ARFGAP3: variants seen among roughly 807,000 people sequenced by gnomAD.
ARFGAP3 encodes ADP-ribosylation factor GTPase-activating protein 3.
Under a neutral mutation model 75.0 loss-of-function variants are expected in ARFGAP3, and 72 were observed. The ratio of observed to expected loss-of-function variants is 0.96; its 90% CI spans 0.79 to 1.17. The LOEUF is 1.17. ARFGAP3 is among the 50% of genes most tolerant of loss of function. The pLI is 0.00. For synonymous variants in ARFGAP3, 221 were observed against 217.9 expected (o/e 1.01, Z -0.13); for missense variants, 620 against 626.6 (o/e 0.99, Z 0.11).
intron 6 of ARFGAP3, 87 bp downstream of exon 6, chr22:42,831,462 G>T: frequency 2.2e-6 from 3 of 1,356,836 alleles, no homozygotes; most frequent in Non-Finnish European, 3.1e-6. Context: ...ATGAGCCACT[G>T]TGCCTGGCCC....
chr22:42,831,659 A>T (rs1207703846), intron 5 of ARFGAP3, 23 bp from the exon 6 acceptor site: 2 of 1,613,354 alleles, frequency 1.2e-6, no homozygotes, highest in Non-Finnish European at 1.7e-6. Flanking sequence ...GAGAAAAGTC[A>T]TTAGCAGACA....
chr22:42,819,650 G>C (rs897893433), intron 9 of ARFGAP3, among the ~76,000 whole-genome samples: 2 of 152,218 alleles, frequency 1.3e-5, no homozygotes, highest in African/African-American at 4.8e-5. Context: ...GAGAGCCTCT[G>C]AGGACGGGCT....
intron 7 of ARFGAP3, among the ~76,000 whole-genome samples, chr22:42,825,032 A>G (rs1925978059): frequency 6.6e-6 from 1 of 152,256 alleles, no homozygotes; most frequent in African/African-American, 2.4e-5. Flanking sequence ...TTACGGCTGC[A>G]TAAAACTTAT....
chr22:42,836,023 C>T (rs558965856), intron 3 of ARFGAP3, among the ~76,000 whole-genome samples: 61 of 141,298 alleles, frequency 4.3e-4, no homozygotes, highest in African/African-American at 1.5e-3. Context: ...TGCTCTATTA[C>T]CCAGGCTGCA....
Position 42,807,053 on chromosome 22 carries a change from T to G in ARFGAP3, c.1411+20A>C, listed in dbSNP as rs751887752. On this transcript the variant is annotated intron_variant, in intron 14 of 15. Coordinates refer to ENST00000263245, the MANE Select transcript of ARFGAP3 (RefSeq NM_014570.5). ...TACCGTAGACATGACAGAGACCAGC[T>G]CTTGTTCAGTGCCCCCTACCTGCTG... 1 of 1,595,880 alleles carries G rather than the reference T, an allele frequency of 6.3e-7. No individual in the cohort carries two copies. The highest frequency in any genetic ancestry group is 1.8e-5 in the Admixed American group (1 of 56,680).
intron 2 of ARFGAP3, among the ~76,000 whole-genome samples, chr22:42,844,673 T>A (rs1443720190): frequency 6.6e-6 from 1 of 152,010 alleles, no homozygotes; most frequent in East Asian, 1.9e-4. Flanking sequence ...AGTGCTGGGA[T>A]TACAGGTGTG....
intron 6 of ARFGAP3, 148 bp downstream of exon 6, chr22:42,831,401 G>A: frequency 4.6e-6 from 3 of 653,684 alleles, no homozygotes; most frequent in Non-Finnish European, 7.5e-6. Context: ...CTGACTGCTG[G>A]GCTCAGGCGA....
chr22:42,799,691 A>C (rs2179872), intron 14 of ARFGAP3, among the ~76,000 whole-genome samples: 2 of 152,056 alleles, frequency 1.3e-5, no homozygotes, highest in African/African-American at 2.4e-5. Flanking sequence ...TCAAATGAGA[A>C]GAGCCATTTG....
chr22:42,833,868 A>G (rs1475881279), intron 5 of ARFGAP3, among the ~76,000 whole-genome samples: 1 of 152,224 alleles, frequency 6.6e-6, no homozygotes, highest in Non-Finnish European at 1.5e-5. Context: ...ATGAGCTGAG[A>G]TCGTGCCACT....
chr22:42,838,648 T>C (rs565900570), intron 3 of ARFGAP3, among the ~76,000 whole-genome samples: 7 of 152,156 alleles, frequency 4.6e-5, no homozygotes, highest in South Asian at 4.2e-4. Context: ...CTTTAGCATA[T>C]AAGAAACGCC....
rs1924630060 is a variant in ARFGAP3, at chr22:42,796,996, C to T, written c.*592G>A. On this transcript the variant is annotated 3_prime_UTR_variant, in exon 16 of 16. Coordinates refer to ENST00000263245, the MANE Select transcript of ARFGAP3 (RefSeq NM_014570.5). ...GGCAGAAGCTTAAGTTTGTTAAAAG[C>T]ACTCACTGAAAAACATTTTTAAATT... 1.3e-5 allele frequency: 2 copies of T among 152,240 alleles called. No homozygotes were observed. The highest frequency in any genetic ancestry group is 4.8e-5 in the African/African-American group (2 of 41,442). 9.4% of individuals were successfully genotyped at this position (152,240 alleles called of 1,614,324 possible).
intron 6 of ARFGAP3, among the ~76,000 whole-genome samples, chr22:42,829,739 C>T (rs1011341138): frequency 6.6e-6 from 1 of 152,130 alleles, no homozygotes; most frequent in Non-Finnish European, 1.5e-5. Flanking sequence ...TAACCTTTTC[C>T]TTTTATGAGA....
chr22:42,857,051 C>CGG, intron 1 of ARFGAP3, 63 bp downstream of exon 1: 14 of 1,452,550 alleles, frequency 9.6e-6, no homozygotes, highest in Non-Finnish European at 1.3e-5. Context: ...CTGGCGCCCG[C>CGG]GGGGCCTCCC....
chr22:42,826,665 G>A (rs1019052684), intron 7 of ARFGAP3, among the ~76,000 whole-genome samples: 7 of 152,158 alleles, frequency 4.6e-5, no homozygotes, highest in African/African-American at 9.6e-5. Context: ...TTCATAAAGC[G>A]TTAGGATTAC....
At chr22:42,850,039 TGCCAGC>T (rs1927204939) in intron 1 of ARFGAP3, among the ~76,000 whole-genome samples, 1 of 152,162 alleles carries the variant, frequency 6.6e-6, no homozygotes, top group Non-Finnish European at 1.5e-5. Flanking sequence ...AAAAACGTAT[TGCCAGC>T]TCAAAAATTA....
rs112803795 is a variant in ARFGAP3, at chr22:42,801,824, C to T, written c.1412-2664G>A. ...GGGAGACGGTCTTCGCATGGTCTTG[C>T]CCTCAGTGTAAGGCACAAGAGTGGT... On this transcript the variant is annotated intron_variant, in intron 14 of 15. Transcript: ENST00000263245. Among the ~76,000 whole-genome samples, 1,431 of 152,248 alleles carry T rather than the reference C, an allele frequency of 9.4e-3. 14 individuals carry two copies. Among genetic ancestry groups the T allele is most frequent in the Middle Eastern group, 0.054 (16 of 294 alleles).
intron 8 of ARFGAP3, among the ~76,000 whole-genome samples, chr22:42,822,903 G>A (rs1925874192): frequency 6.6e-6 from 1 of 151,994 alleles, no homozygotes; most frequent in South Asian, 2.1e-4. Context: ...TCTGCCTCCT[G>A]GGGTAAAGCG....
Position 42,830,010 on chromosome 22 carries a change from C to T in ARFGAP3, c.565+1539G>A, listed in dbSNP as rs116597705. ...TTATCCTGATTCACTGATATGTCTA[C>T]GCCTATACCAGCAAAATGAAAAATC... On this transcript the variant is annotated intron_variant, in intron 6 of 15. Coordinates refer to ENST00000263245, the MANE Select transcript of ARFGAP3 (RefSeq NM_014570.5). 5.6e-3 allele frequency among the ~76,000 whole-genome samples: 847 copies of T among 152,332 alleles called. 5 individuals are homozygous for T. Among genetic ancestry groups the T allele is most frequent in the African/African-American group, 0.018 (758 of 41,580 alleles).
At chr22:42,828,332 A>G (rs1016102170) in intron 6 of ARFGAP3, among the ~76,000 whole-genome samples, 2 of 151,922 alleles carry the variant, frequency 1.3e-5, no homozygotes, top group Non-Finnish European at 2.9e-5. Context: ...GCCAAGGGGG[A>G]CGCATCATGA....
Sources: gnomAD v4.1 joint callset for allele counts (sites outside exome capture counted in the v4.1 genomes callset) on GRCh38, gnomAD v4.1.1 for gene constraint, MANE v1.5 for transcripts, NCBI Gene and HGNC (gene_info 2026-07-23, HGNC 2026-07-21) for gene names.